The following LHCGR variants were observed in gnomAD, a reference collection of about 807,000 sequenced individuals.
LHCGR encodes the protein lutropin-choriogonadotropic hormone receptor.
A neutral mutation model predicts 60.7 loss-of-function variants in LHCGR; 55 were observed. That is an observed-to-expected ratio of 0.91 (90% CI 0.73 to 1.13). The LOEUF is 1.13. Among genes scored for constraint, LHCGR ranks in the 50% most tolerant of loss-of-function variants. The pLI, the probability that LHCGR is intolerant of heterozygous loss-of-function variation, is 0.00. For missense variants in LHCGR, 862 were observed against 836.0 expected, an observed-to-expected ratio of 1.03 and a Z score of -0.38; for synonymous variants, 337 against 316.5, an observed-to-expected ratio of 1.06 and a Z score of -0.69.
intron 1 of LHCGR, among the ~76,000 whole-genome samples, chr2:48,750,858 G>T (rs1324647621): frequency 6.6e-6 from 1 of 152,188 alleles, no homozygotes; most frequent in Non-Finnish European, 1.5e-5. Context: ...GATACTTTTG[G>T]TTGTCACAAT....
chr2:48,718,890 G>C (rs1668377244), intron 6 of LHCGR, among the ~76,000 whole-genome samples: 1 of 152,146 alleles, frequency 6.6e-6, no homozygotes, highest in Non-Finnish European at 1.5e-5. Context: ...CCCTCTCCCT[G>C]TATTGCTGTG....
At chr2:48,713,874 A>C in intron 7 of LHCGR, 112 bp downstream of exon 7, 1 of 853,200 alleles carries the variant, frequency 1.2e-6, no homozygotes, top group South Asian at 1.4e-5. Flanking sequence ...AGGGCTAGCC[A>C]CTTGAAAGTT....
At position 48,731,283 on chromosome 2, in the gene LHCGR, G is replaced by A. The variant is rs1451694524; in HGVS notation, c.177C>T (p.Leu59=). The A allele has an allele frequency of 6.2e-7, 1 of 1,611,440 alleles. No homozygotes were observed. The highest frequency in any genetic ancestry group is 1.1e-5 in the South Asian group (1 of 91,048). The change falls in exon 2 of 11, where the codon CTC becomes CTT. Residue 59 remains leucine (L), a synonymous_variant. Coordinates refer to ENST00000294954, the MANE Select transcript of LHCGR (RefSeq NM_000233.4). ...AGLTRLSLAY[L]PVKVIPSQAF... The stretch of plus-strand genomic sequence containing the variant: ...CTTGAGATGGGATCACTTTGACAGG[G>A]AGGTAGGCAAGTGATCTAGAAAAGA...
intron 10 of LHCGR, among the ~76,000 whole-genome samples, chr2:48,692,424 T>C (rs977584655): frequency 3.9e-5 from 6 of 152,256 alleles, no homozygotes; most frequent in African/African-American, 1.4e-4. Flanking sequence ...TCTGGGCATA[T>C]GTCTAGCAAT....
At chr2:48,724,177 A>G (rs1668623291) in intron 4 of LHCGR, among the ~76,000 whole-genome samples, 1 of 152,216 alleles carries the variant, frequency 6.6e-6, no homozygotes. Context: ...TCCCTTATTT[A>G]GCTATCTTGC....
At chr2:48,701,394 C>G (rs11680604) in intron 8 of LHCGR, among the ~76,000 whole-genome samples, 39,297 of 152,028 alleles carry the variant, frequency 0.26, 5,155 homozygotes, top group South Asian at 0.33. Flanking sequence ...CTTCTTTGCT[C>G]CCTCTGCCAT....
At position 48,712,706 on chromosome 2, in the gene LHCGR, A is replaced by G. The variant is rs561676100; in HGVS notation, c.605+1280T>C. Among the ~76,000 whole-genome samples the G allele has an allele frequency of 1.1e-3, 169 of 150,968 alleles. 1 individual carries two copies. Among genetic ancestry groups the G allele is most frequent in the African/African-American group, 3.9e-3 (160 of 41,322 alleles). On this transcript the variant is annotated intron_variant, in intron 7 of 10. Coordinates refer to ENST00000294954, the MANE Select transcript of LHCGR (RefSeq NM_000233.4). ...AATTAATTATATTATATATTATATAATAAATAAGCACCTACTCTATGCCAG... is the reference window on the plus strand; with the variant it reads ...AATTAATTATATTATATATTATATAGTAAATAAGCACCTACTCTATGCCAG...
intron 1 of LHCGR, among the ~76,000 whole-genome samples, chr2:48,750,387 AT>A (rs1049042037): frequency 7.9e-5 from 12 of 152,194 alleles, no homozygotes; most frequent in Non-Finnish European, 1.5e-4. Flanking sequence ...AATGAAAACA[AT>A]CTAGATGGAA....
chr2:48,691,001 C>G (rs1196868932), intron 10 of LHCGR, among the ~76,000 whole-genome samples: 1 of 152,196 alleles, frequency 6.6e-6, no homozygotes, highest in Non-Finnish European at 1.5e-5. Context: ...GGACAATGAG[C>G]ACACAGCATG....
At chr2:48,727,795 C>T (rs529985842) in intron 3 of LHCGR, among the ~76,000 whole-genome samples, 2 of 152,244 alleles carry the variant, frequency 1.3e-5, no homozygotes, top group Non-Finnish European at 2.9e-5. Context: ...TATATTTTAT[C>T]TCTTCTGTAT....
chr2:48,740,533 C>A (rs1042391668), intron 1 of LHCGR, among the ~76,000 whole-genome samples: 2 of 152,118 alleles, frequency 1.3e-5, no homozygotes, highest in Admixed American at 6.5e-5. Flanking sequence ...GGTCCCTGAC[C>A]CCTGACCCCT....
chr2:48,752,529 C>CTT (rs11327396), intron 1 of LHCGR, among the ~76,000 whole-genome samples: 2 of 144,372 alleles, frequency 1.4e-5, no homozygotes, highest in Non-Finnish European at 1.5e-5. Context: ...TTTAAGCTTT[C>CTT]TTTTTTTTTT....
intron 1 of LHCGR, among the ~76,000 whole-genome samples, chr2:48,734,366 G>C (rs1384330498): frequency 1.3e-5 from 2 of 152,220 alleles, no homozygotes; most frequent in African/African-American, 4.8e-5. Context: ...AAGGTGAGTT[G>C]AGAGGAACAG....
chr2:48,708,845 C>T, intron 8 of LHCGR, 103 bp downstream of exon 8: 1 of 896,734 alleles, frequency 1.1e-6, no homozygotes, highest in Admixed American at 1.7e-5. Context: ...GGTGTAGAGG[C>T]TGATGTCTCA....
rs112682213 is a variant in LHCGR, at chr2:48,701,540, G to A, written c.681-2740C>T. On this transcript the variant is annotated intron_variant, in intron 8 of 10. Transcript: ENST00000294954. Reference sequence around the variant, plus strand: ...GCTCTCTTAGTTCCTTTAGGTGTTCGTTCAAACGACACTTTTTCAGGATAG... The same window carrying A: ...GCTCTCTTAGTTCCTTTAGGTGTTCATTCAAACGACACTTTTTCAGGATAG... 6.1e-3 allele frequency among the ~76,000 whole-genome samples: 934 copies of A among 152,124 alleles called. 8 individuals carry two copies. Among genetic ancestry groups the A allele is most frequent in the African/African-American group, 0.022 (909 of 41,484 alleles).
chr2:48,708,636 T>G, intron 8 of LHCGR: 1 of 500,366 alleles, frequency 2.0e-6, no homozygotes, highest in Non-Finnish European at 3.6e-6. Context: ...CAGAAAGAAC[T>G]AGCACAAGCT....
chr2:48,726,247 G>T (rs1361960690), intron 3 of LHCGR, among the ~76,000 whole-genome samples: 1 of 152,216 alleles, frequency 6.6e-6, no homozygotes, highest in African/African-American at 2.4e-5. Flanking sequence ...CAGGGCAAAA[G>T]CCAGAGGCTT....
chr2:48,701,622 C>T (rs576900272), intron 8 of LHCGR, among the ~76,000 whole-genome samples: 1 of 152,246 alleles, frequency 6.6e-6, no homozygotes, highest in South Asian at 2.1e-4. Context: ...ACTCCTTTCC[C>T]CCCAACCAAA....
rs59520741 is a variant in LHCGR at position 48,751,253 on chromosome 2, A to AT, written c.161+4257dup. ...TATTAGTCAATAACTACATATTGGG[A>AT]TTTTTTTTTCTTTTTGCACAACGTC... On this transcript the variant is annotated intron_variant, in intron 1 of 10. Transcript: ENST00000294954. Among the ~76,000 whole-genome samples the AT allele has an allele frequency of 1.4e-3, 213 of 151,770 alleles. 1 individual carries two copies. The highest frequency in any genetic ancestry group is 3.1e-3 in the Admixed American group (48 of 15,272).
Sources: gnomAD v4.1 joint callset for allele counts (sites outside exome capture counted in the v4.1 genomes callset) on GRCh38, gnomAD v4.1.1 for gene constraint, MANE v1.5 for transcripts, NCBI Gene and HGNC (gene_info 2026-07-23, HGNC 2026-07-21) for gene names.